RXRG: variants seen among roughly 807,000 people sequenced by gnomAD.
RXRG encodes the protein retinoic acid receptor RXR-gamma.
In RXRG, 19 loss-of-function variants were observed where a neutral mutation model predicts 49.2. The ratio of observed to expected loss-of-function variants is 0.39; its 90% CI spans 0.27 to 0.57. The LOEUF is 0.57. RXRG is among the 20% of genes least tolerant of loss of function. RXRG has a pLI of 0.64. For missense variants in RXRG, 452 were observed against 592.5 expected (o/e 0.76, Z 2.46); for synonymous variants, 224 against 216.6 (o/e 1.03, Z -0.30).
At chr1:165,442,288 G>A (rs1277608557) in intron 1 of RXRG, among the ~76,000 whole-genome samples, 1 of 152,194 alleles carries the variant, frequency 6.6e-6, no homozygotes, top group African/African-American at 2.4e-5. Flanking sequence ...GCAGACGGGG[G>A]CAGAGTCCTT....
chr1:165,421,880 G>C (rs1658329556), intron 2 of RXRG, among the ~76,000 whole-genome samples: 1 of 152,116 alleles, frequency 6.6e-6, no homozygotes. Flanking sequence ...GTGCATCCAG[G>C]GTTAAGAACC....
intron 1 of RXRG, among the ~76,000 whole-genome samples, chr1:165,430,065 T>G (rs1658622514): frequency 6.6e-6 from 1 of 152,112 alleles, no homozygotes; most frequent in Non-Finnish European, 1.5e-5. Flanking sequence ...GAAGAAGCCA[T>G]GTGCACAGTA....
chr1:165,405,707 A>G (rs1394293089), intron 9 of RXRG, among the ~76,000 whole-genome samples: 3 of 152,232 alleles, frequency 2.0e-5, no homozygotes, highest in East Asian at 3.8e-4. Context: ...CTGCCCACCC[A>G]GATTTGTGAG....
At chr1:165,413,133 G>A (rs1292408999) in intron 4 of RXRG, among the ~76,000 whole-genome samples, 1 of 152,116 alleles carries the variant, frequency 6.6e-6, no homozygotes, top group African/African-American at 2.4e-5. Context: ...TCCTCTTTGT[G>A]CCTTAAGTCT....
intron 4 of RXRG, 48 bp from the exon 5 acceptor site, chr1:165,411,157 C>T (rs765060547): frequency 2.5e-6 from 4 of 1,581,648 alleles, no homozygotes; most frequent in East Asian, 2.2e-5. Flanking sequence ...CCCAGGACAA[C>T]AGTGGGAAAG....
At chr1:165,405,931 A>G (rs1657730251) in intron 9 of RXRG, among the ~76,000 whole-genome samples, 1 of 152,204 alleles carries the variant, frequency 6.6e-6, no homozygotes, top group Non-Finnish European at 1.5e-5. Context: ...AGCTAAGTAG[A>G]TATTAGACTT....
intron 2 of RXRG, among the ~76,000 whole-genome samples, chr1:165,425,986 G>A (rs564490432): frequency 6.6e-6 from 1 of 152,270 alleles, no homozygotes; most frequent in Non-Finnish European, 1.5e-5. Flanking sequence ...ACACAGGGCT[G>A]CAAGCCAGGG....
chr1:165,417,824 C>T (rs994111548), intron 3 of RXRG, among the ~76,000 whole-genome samples: 2 of 152,054 alleles, frequency 1.3e-5, no homozygotes, highest in African/African-American at 4.8e-5. Context: ...ATTTTGCAGC[C>T]GGGCATGGTG....
intron 9 of RXRG, among the ~76,000 whole-genome samples, chr1:165,403,634 G>C (rs1657654421): frequency 6.6e-6 from 1 of 152,216 alleles, no homozygotes; most frequent in African/African-American, 2.4e-5. Context: ...ATTCAGGAAA[G>C]AGGTAGTTAG....
intron 9 of RXRG, among the ~76,000 whole-genome samples, chr1:165,402,225 C>A (rs998416846): frequency 6.6e-6 from 1 of 152,142 alleles, no homozygotes; most frequent in African/African-American, 2.4e-5. Context: ...GCTGCGAATA[C>A]AGGCTCCCAC....
Position 165,445,009 on chromosome 1 carries a change from T to A in RXRG, c.-116A>T, listed in dbSNP as rs1167349156. The A allele has an allele frequency of 5.4e-6, 5 of 919,566 alleles. No individual in the cohort carries two copies. The African/African-American group carries it at 8.1e-5, about 15-fold the overall frequency. 57.0% of individuals were successfully genotyped at this position (919,566 alleles called of 1,614,324 possible). A position where few individuals can be genotyped will look rare whatever the true frequency, so the allele number is the denominator to read the frequency against. On this transcript the variant is annotated 5_prime_UTR_variant, in exon 1 of 10. It adds an upstream start codon to the 5' untranslated region. Transcript: ENST00000359842. ...TTGGGCTAACAAGAGTGGTCATCGC[T>A]TCCTAGCAGCCCGGGGAGCACAGGC...
At chr1:165,442,106 C>A (rs1165610966) in intron 1 of RXRG, among the ~76,000 whole-genome samples, 1 of 152,212 alleles carries the variant, frequency 6.6e-6, no homozygotes, top group Non-Finnish European at 1.5e-5. Flanking sequence ...TGTAACAGGG[C>A]AGGGGGTTAT....
intron 3 of RXRG, among the ~76,000 whole-genome samples, chr1:165,417,578 T>C (rs1471129046): frequency 1.3e-5 from 2 of 152,188 alleles, no homozygotes; most frequent in Admixed American, 6.5e-5. Flanking sequence ...AATAAAAATA[T>C]ATATGCTTGT....
chr1:165,431,314 G>A (rs984534059), intron 1 of RXRG, among the ~76,000 whole-genome samples: 4 of 152,192 alleles, frequency 2.6e-5, no homozygotes, highest in Non-Finnish European at 4.4e-5. Context: ...AGAGGGCAGC[G>A]CTCAAGAACT....
At chr1:165,405,663 G>T (rs1657720499) in intron 9 of RXRG, among the ~76,000 whole-genome samples, 1 of 152,216 alleles carries the variant, frequency 6.6e-6, no homozygotes, top group Non-Finnish European at 1.5e-5. Context: ...GTCCCTGAGT[G>T]ATGGCATGCA....
At chr1:165,404,132 C>T (rs1657669457) in intron 9 of RXRG, among the ~76,000 whole-genome samples, 1 of 152,230 alleles carries the variant, frequency 6.6e-6, no homozygotes, top group African/African-American at 2.4e-5. Flanking sequence ...CCAGGATCCC[C>T]TTCAACCAGG....
chr1:165,405,647 G>A (rs1326759091), intron 9 of RXRG, among the ~76,000 whole-genome samples: 1 of 152,224 alleles, frequency 6.6e-6, no homozygotes, highest in Non-Finnish European at 1.5e-5. Context: ...GAAAAAAGGA[G>A]TCTTGGTCCC....
chr1:165,408,272 T>G lies in RXRG; in HGVS notation c.1093A>C (p.Lys365Gln). 2 of 1,614,106 alleles carry G rather than the reference T, an allele frequency of 1.2e-6. No homozygotes were observed. Among genetic ancestry groups the G allele is most frequent in the Non-Finnish European group, 1.7e-6 (2 of 1,179,974 alleles). Residue 365 changes from lysine (K) to glutamine (Q), a missense_variant, in exon 8 of 10, where the codon AAG becomes CAG. Physicochemically the swap from Lys to Gln is moderately conservative, Grantham distance 53. Transcript: ENST00000359842. ...GCTCGCAGGCATCCCAGTTCCGACT[T>G]GTCCATCTGCATGTCTTTCATTTTG... is the stretch of plus-strand genomic sequence containing the variant. ...VSKMKDMQMD[K>Q]SELGCLRAIV...
chr1:165,403,893 C>T (rs3767337), intron 9 of RXRG, among the ~76,000 whole-genome samples: 6,486 of 152,298 alleles, frequency 0.043, 167 homozygotes, highest in East Asian at 0.072. Flanking sequence ...CACCCATGAA[C>T]GTCACAGCAT....
Sources: gnomAD v4.1 joint callset for allele counts (sites outside exome capture counted in the v4.1 genomes callset) on GRCh38, gnomAD v4.1.1 for gene constraint, MANE v1.5 for transcripts, NCBI Gene and HGNC (gene_info 2026-07-23, HGNC 2026-07-21) for gene names.